SCAF8: variants seen among roughly 807,000 people sequenced by gnomAD.
SCAF8 encodes the protein SR-related CTD associated factor 8, also known as SR-related and CTD-associated factor 8.
Under a neutral mutation model 140.5 loss-of-function variants are expected in SCAF8, and 23 were observed. That is an observed-to-expected ratio of 0.16 (90% CI 0.12 to 0.23). SCAF8 has a LOEUF of 0.23. Ranked by LOEUF, SCAF8 falls within the 10% of genes least tolerant of loss-of-function variation. SCAF8 has a pLI of 1.00. For synonymous variants in SCAF8, 575 were observed against 528.9 expected (o/e 1.09, Z -1.20); for missense variants, 1,397 against 1,555.7 (o/e 0.90, Z 1.72).
At chr6:154,747,554 T>C (rs1294542530) in intron 1 of SCAF8, among the ~76,000 whole-genome samples, 5 of 152,124 alleles carry the variant, frequency 3.3e-5, no homozygotes, top group African/African-American at 9.7e-5. Flanking sequence ...TATACCATCC[T>C]TAGTTTGAGG....
intron 1 of SCAF8, among the ~76,000 whole-genome samples, chr6:154,749,827 A>G (rs563776768): frequency 6.6e-6 from 1 of 152,330 alleles, no homozygotes; most frequent in Non-Finnish European, 1.5e-5. Context: ...TTGTTTTAGA[A>G]AAATGACTAG....
chr6:154,816,509 C>T (rs369578465), intron 13 of SCAF8, among the ~76,000 whole-genome samples: 245 of 98,892 alleles, frequency 2.5e-3, no homozygotes, highest in African/African-American at 0.014. Flanking sequence ...TTAAAAATTA[C>T]GTGCTGTCTT....
intron 1 of SCAF8, among the ~76,000 whole-genome samples, chr6:154,754,668 T>G (rs780510672): frequency 6.6e-6 from 1 of 152,210 alleles, no homozygotes. Flanking sequence ...TGCAGCTCCC[T>G]GTCTCTTTCA....
chr6:154,767,779 G>C (rs941640761), intron 1 of SCAF8, among the ~76,000 whole-genome samples: 1 of 151,940 alleles, frequency 6.6e-6, no homozygotes, highest in Non-Finnish European at 1.5e-5. Flanking sequence ...AATCAAGTGA[G>C]CTGCCTGCCT....
chr6:154,759,418 CTTCTTTT>C (rs1051561541), intron 1 of SCAF8, among the ~76,000 whole-genome samples: 1 of 152,066 alleles, frequency 6.6e-6, no homozygotes, highest in African/African-American at 2.4e-5. Flanking sequence ...AAATAGATCT[CTTCTTTT>C]TTAACAGTAT....
chr6:154,789,486 T>A (rs1777349593), intron 4 of SCAF8, among the ~76,000 whole-genome samples: 1 of 152,144 alleles, frequency 6.6e-6, no homozygotes, highest in Non-Finnish European at 1.5e-5. Context: ...GTTTTTGATT[T>A]TTGTTTTTAA....
Position 154,761,765 on chromosome 6 carries a change from A to C in SCAF8, c.31-12224A>C, listed in dbSNP as rs535071595. ...ATAAATAAATTTGAAAACCTTAGGA[A>C]GATAAAGTTTTGAAAGGAGTTTTTA... On this transcript the variant is annotated intron_variant, in intron 1 of 19. Coordinates refer to ENST00000367178, the MANE Select transcript of SCAF8 (RefSeq NM_014892.5). Among the ~76,000 whole-genome samples, 35 of 152,226 alleles carry C rather than the reference A, an allele frequency of 2.3e-4. No homozygotes were observed. In the South Asian group the frequency reaches 7.2e-3, roughly 32 times the overall value.
chr6:154,767,824 C>T (rs1776624879), intron 1 of SCAF8, among the ~76,000 whole-genome samples: 1 of 152,154 alleles, frequency 6.6e-6, no homozygotes, highest in African/African-American at 2.4e-5. Context: ...TAGGCATGAG[C>T]CACCATGCCT....
intron 3 of SCAF8, among the ~76,000 whole-genome samples, chr6:154,786,799 T>C (rs2114868390): frequency 6.6e-6 from 1 of 152,318 alleles, no homozygotes; most frequent in Middle Eastern, 3.4e-3. Flanking sequence ...TCAGATTTCT[T>C]TGTCTTGATT....
intron 1 of SCAF8, among the ~76,000 whole-genome samples, chr6:154,766,428 C>T (rs76159374): frequency 0.012 from 1,857 of 152,170 alleles, 13 homozygotes; most frequent in Middle Eastern, 0.048. Context: ...GGGTTTGTGT[C>T]CTAAAAATAA....
rs558444080 is a variant in SCAF8 at position 154,788,947 on chromosome 6, AG to A, written c.321+926del. Among the ~76,000 whole-genome samples, 32 of 152,258 alleles carry A rather than the reference AG, an allele frequency of 2.1e-4. No homozygotes were observed. The East Asian group carries it at 5.8e-3, about 28-fold the overall frequency. ...AGTATGAAAAGATGAGAATAGATGA[AG>A]ATTCATGTTTGTTTTATGGAAGAAC... On this transcript the variant is annotated intron_variant, in intron 4 of 19. Transcript: ENST00000367178.
chr6:154,791,109 A>G (rs1164858720), intron 4 of SCAF8, among the ~76,000 whole-genome samples: 1 of 152,224 alleles, frequency 6.6e-6, no homozygotes, highest in Admixed American at 6.5e-5. Context: ...CTTACAAAAT[A>G]CTGTAGGACA....
chr6:154,758,225 A>G (rs1159930612), intron 1 of SCAF8, among the ~76,000 whole-genome samples: 3 of 152,138 alleles, frequency 2.0e-5, no homozygotes, highest in Admixed American at 6.6e-5. Flanking sequence ...TTTCACTTAT[A>G]TGCTGGCGAC....
chr6:154,813,430 G>A (rs1778153733), intron 12 of SCAF8, among the ~76,000 whole-genome samples: 1 of 152,090 alleles, frequency 6.6e-6, no homozygotes, highest in African/African-American at 2.4e-5. Flanking sequence ...GCTGAGACAG[G>A]AGGAGGCCTT....
chr6:154,832,358 C>A lies in SCAF8; in HGVS notation c.2779C>A (p.Arg927Ser). ...GCCCACAATGCCAATGTTAGACATT[C>A]GTCCGGGACTAATACCACAGGCACC... is the stretch of plus-strand genomic sequence containing the variant. Reference protein sequence around the residue: ...RMPTMPMLDIRPGLIPQAPGP... With the variant: ...RMPTMPMLDISPGLIPQAPGP... The change falls in exon 20 of 20, where the codon CGT becomes AGT. Residue 927 changes from arginine to serine, a missense_variant. This residue lies in a region of SCAF8 where 930 missense variants were observed against 874.6 expected (regional missense o/e 1.06). Transcript: ENST00000367178. 6.2e-7 allele frequency: 1 copy of A among 1,613,974 alleles called. No individual in the cohort carries two copies. The highest frequency in any genetic ancestry group is 8.5e-7 in the Non-Finnish European group (1 of 1,180,000).
intron 18 of SCAF8, among the ~76,000 whole-genome samples, chr6:154,829,985 T>C (rs2114695369): frequency 6.6e-6 from 1 of 152,354 alleles, no homozygotes; most frequent in South Asian, 2.1e-4. Context: ...TTCTGAAAAT[T>C]AGACAAAGTG....
chr6:154,803,357 A>C (rs1777823904), intron 7 of SCAF8, among the ~76,000 whole-genome samples, 187 bp from the exon 8 acceptor site: 1 of 152,180 alleles, frequency 6.6e-6, no homozygotes, highest in East Asian at 1.9e-4. Flanking sequence ...AAGATAATAC[A>C]TATCAAAATG....
intron 1 of SCAF8, among the ~76,000 whole-genome samples, chr6:154,756,807 G>A (rs766775716): frequency 7.9e-5 from 12 of 152,080 alleles, no homozygotes; most frequent in African/African-American, 9.7e-5. Context: ...AGGGCGGATC[G>A]CTTGAGCCTC....
chr6:154,827,322 G>T (rs373758523), intron 18 of SCAF8, 82 bp downstream of exon 18: 4 of 894,478 alleles, frequency 4.5e-6, no homozygotes, highest in Non-Finnish European at 5.2e-6. Flanking sequence ...GTGAATTACC[G>T]TTAATATTTT....
Sources: gnomAD v4.1 joint callset for allele counts (sites outside exome capture counted in the v4.1 genomes callset) on GRCh38, gnomAD v4.1.1 for gene constraint, gnomAD v4.1.1 regional missense constraint, MANE v1.5 for transcripts, NCBI Gene and HGNC (gene_info 2026-07-23, HGNC 2026-07-21) for gene names.